CTNNA3: variants seen among roughly 807,000 people sequenced by gnomAD.
CTNNA3 encodes the protein catenin alpha 3.
In CTNNA3, 76 loss-of-function variants were observed where a neutral mutation model predicts 95.7. The observed-to-expected ratio is 0.79, with a 90% CI of 0.66 to 0.96. The LOEUF (loss-of-function observed/expected upper bound fraction) is 0.96. CTNNA3 is among the 40% of genes least tolerant of loss of function. The probability of loss-of-function intolerance (pLI) is 0.00; values close to 1 mark genes in which losing one functional copy is unlikely to be tolerated. For missense variants in CTNNA3, 1,191 were observed against 1,089.8 expected, an observed-to-expected ratio of 1.09 and a Z score of -1.31; for synonymous variants, 431 against 374.4, an observed-to-expected ratio of 1.15 and a Z score of -1.74.
At chr10:66,807,315 T>C (rs1841693384) in intron 7 of CTNNA3, among the ~76,000 whole-genome samples, 1 of 152,078 alleles carries the variant, frequency 6.6e-6, no homozygotes, top group South Asian at 2.1e-4. Flanking sequence ...ACTACTGTAC[T>C]AAAATCTCTG....
At chr10:66,450,590 A>G (rs1169350109) in intron 11 of CTNNA3, among the ~76,000 whole-genome samples, 1 of 152,128 alleles carries the variant, frequency 6.6e-6, no homozygotes, top group Non-Finnish European at 1.5e-5. Context: ...TGCATTTTAC[A>G]ATAGGTAAGA....
At chr10:66,796,140 A>C (rs980022282) in intron 7 of CTNNA3, among the ~76,000 whole-genome samples, 1 of 152,134 alleles carries the variant, frequency 6.6e-6, no homozygotes, top group African/African-American at 2.4e-5. Flanking sequence ...CAACTTGGCT[A>C]ACTGGTGAAA....
chr10:66,138,948 T>A (rs2083478359), intron 13 of CTNNA3, among the ~76,000 whole-genome samples: 1 of 152,220 alleles, frequency 6.6e-6, no homozygotes, highest in African/African-American at 2.4e-5. Context: ...ATAAGAGTAA[T>A]TTAACATTGG....
At chr10:67,497,757 T>C (rs1589360033) in intron 5 of CTNNA3, among the ~76,000 whole-genome samples, 1 of 152,218 alleles carries the variant, frequency 6.6e-6, no homozygotes, top group Non-Finnish European at 1.5e-5. Context: ...GTTCATATCC[T>C]TCACCCACGT....
chr10:66,792,939 G>A (rs1310288917), intron 7 of CTNNA3, among the ~76,000 whole-genome samples: 1 of 152,088 alleles, frequency 6.6e-6, no homozygotes, highest in Non-Finnish European at 1.5e-5. Flanking sequence ...GGCCAGTAAA[G>A]TATGGGAGAC....
chr10:66,380,318 A>G lies in CTNNA3; in HGVS notation c.1532-966T>C, dbSNP rs2092827526. 2.0e-5 allele frequency among the ~76,000 whole-genome samples: 3 copies of G among 152,174 alleles called. No individual in the cohort carries two copies. The South Asian group carries it at 6.2e-4, about 32-fold the overall frequency. On this transcript the variant is annotated intron_variant, in intron 11 of 17. Transcript: ENST00000433211. ...CACACTTCCCTCTTGTCGTCCAAAA[A>G]ATAAAATCAGTCTGGGTGTGGTGGC...
At chr10:67,690,196 A>T (rs1840815708) in intron 1 of CTNNA3, among the ~76,000 whole-genome samples, 1 of 152,094 alleles carries the variant, frequency 6.6e-6, no homozygotes, top group Non-Finnish European at 1.5e-5. Context: ...CGGCTCTTAA[A>T]GGCAGCACGT....
intron 1 of CTNNA3, among the ~76,000 whole-genome samples, chr10:67,659,118 A>G (rs1482265928): frequency 6.6e-6 from 1 of 152,202 alleles, no homozygotes; most frequent in Non-Finnish European, 1.5e-5. Context: ...GGTAAAAAAA[A>G]AAATTACTTT....
At chr10:67,012,733 T>C (rs1019557955) in intron 7 of CTNNA3, among the ~76,000 whole-genome samples, 1 of 152,096 alleles carries the variant, frequency 6.6e-6, no homozygotes, top group African/African-American at 2.4e-5. Flanking sequence ...AGCTTCACGG[T>C]GGTTTTGGAT....
At chr10:67,349,526 A>T (rs550111962) in intron 5 of CTNNA3, among the ~76,000 whole-genome samples, 11 of 152,276 alleles carry the variant, frequency 7.2e-5, no homozygotes, top group Middle Eastern at 3.4e-3. Flanking sequence ...AAAGAATGGA[A>T]TGGTGATTGC....
intron 9 of CTNNA3, among the ~76,000 whole-genome samples, chr10:66,669,298 C>A (rs1327110594): frequency 1.3e-5 from 2 of 152,036 alleles, no homozygotes; most frequent in South Asian, 2.1e-4. Context: ...AATCCCAGAA[C>A]TTTGGGAGGC....
intron 11 of CTNNA3, among the ~76,000 whole-genome samples, chr10:66,394,360 C>A (rs1396797651): frequency 6.6e-6 from 1 of 151,896 alleles, no homozygotes; most frequent in Non-Finnish European, 1.5e-5. Context: ...TAAGTTATTG[C>A]ATTTTATGCC....
intron 5 of CTNNA3, among the ~76,000 whole-genome samples, chr10:67,364,282 A>G (rs1236978797): frequency 5.1e-4 from 78 of 152,326 alleles, no homozygotes; most frequent in Admixed American, 5.1e-3. Flanking sequence ...ACAGCCTTTT[A>G]TGTCAAAAAC....
At chr10:67,347,037 G>A (rs1311330481) in intron 5 of CTNNA3, among the ~76,000 whole-genome samples, 1 of 151,204 alleles carries the variant, frequency 6.6e-6, no homozygotes, top group East Asian at 1.9e-4. Context: ...TCTAATTCTT[G>A]ATCTACTTAT....
chr10:66,423,334 C>T lies in CTNNA3; in HGVS notation c.1532-43982G>A, dbSNP rs538216396. Among the ~76,000 whole-genome samples the T allele has an allele frequency of 5.2e-4, 79 of 152,024 alleles. 1 individual carries two copies. The highest frequency in any genetic ancestry group is 4.7e-3 in the Admixed American group (71 of 15,248). On this transcript the variant is annotated intron_variant, in intron 11 of 17. Coordinates refer to ENST00000433211, the MANE Select transcript of CTNNA3 (RefSeq NM_013266.4). ...ACAAATTTAATCATGTTCTTTATAT[C>T]GTATTTAGTCTTAAAATAATTTGTA...
intron 15 of CTNNA3, among the ~76,000 whole-genome samples, chr10:66,062,910 C>T (rs539437591): frequency 6.6e-6 from 1 of 152,010 alleles, no homozygotes; most frequent in Non-Finnish European, 1.5e-5. Context: ...GATTAGGATA[C>T]CCTCAAAGCC....
chr10:67,454,053 A>T (rs1847083994), intron 5 of CTNNA3, among the ~76,000 whole-genome samples: 1 of 152,204 alleles, frequency 6.6e-6, no homozygotes, highest in Admixed American at 6.5e-5. Context: ...TATGCATTGG[A>T]TATGAGATAA....
At chr10:66,294,913 A>AGAGAGAGAGG (rs58983331) in intron 12 of CTNNA3, among the ~76,000 whole-genome samples, 3 of 148,740 alleles carry the variant, frequency 2.0e-5, no homozygotes, top group Admixed American at 6.8e-5. Flanking sequence ...AGAGAGAGAG[A>AGAGAGAGAGG]GGGATTTGGT....
chr10:66,254,078 G>A (rs562460925), intron 13 of CTNNA3, among the ~76,000 whole-genome samples: 1 of 152,198 alleles, frequency 6.6e-6, no homozygotes, highest in South Asian at 2.1e-4. Flanking sequence ...TATGGTCCAG[G>A]AAAGCCTATT....
Sources: allele counts gnomAD v4.1 joint callset (sites outside exome capture counted in the v4.1 genomes callset), GRCh38; gene constraint gnomAD v4.1.1; transcripts MANE v1.5; gene names NCBI Gene and HGNC (gene_info 2026-07-23, HGNC 2026-07-21).